The following HYAL4 variants were observed in gnomAD, a reference collection of about 807,000 sequenced individuals.
HYAL4 encodes hyaluronidase-4.
HYAL4 carries 37 observed loss-of-function variants against 35.2 expected under a neutral mutation model. The observed-to-expected ratio is 1.05, with a 90% confidence interval of 0.81 to 1.38. The LOEUF (loss-of-function observed/expected upper bound fraction) is 1.38. Among genes scored for constraint, HYAL4 ranks in the 40% most tolerant of loss-of-function variants. The probability of loss-of-function intolerance (pLI) is 0.00; values close to 1 mark genes in which losing one functional copy is unlikely to be tolerated. For missense variants in HYAL4, 572 were observed against 572.4 expected, an observed-to-expected ratio of 1.00 and a Z score of 0.01; for synonymous variants, 198 against 203.2, an observed-to-expected ratio of 0.97 and a Z score of 0.22.
chr7:123,765,044 C>T, the HYAL4 span, among the ~76,000 whole-genome samples: 15 of 152,146 alleles, frequency 9.9e-5, no homozygotes, highest in Non-Finnish European at 2.2e-4. Flanking sequence ...AAAAATGCAA[C>T]ATTAAGTACG....
chr7:123,764,833 G>C, the HYAL4 span, among the ~76,000 whole-genome samples: 1 of 152,112 alleles, frequency 6.6e-6, no homozygotes, highest in Non-Finnish European at 1.5e-5. Context: ...TCTTTTGCCA[G>C]CTACCAGCTT....
At chr7:123,850,469 G>A (rs1806278086) in intron 2 of HYAL4, among the ~76,000 whole-genome samples, 1 of 152,064 alleles carries the variant, frequency 6.6e-6, no homozygotes, top group African/African-American at 2.4e-5. Context: ...TCTAACTCTT[G>A]GGCTCAAGCG....
chr7:123,804,487 A>G, the HYAL4 span, among the ~76,000 whole-genome samples: 60 of 152,328 alleles, frequency 3.9e-4, no homozygotes, highest in East Asian at 3.9e-4. Flanking sequence ...AATTTTGTCT[A>G]TCTTTTTCTG....
At chr7:123,839,490 G>T (rs1806018812) in intron 1 of HYAL4, among the ~76,000 whole-genome samples, 1 of 152,132 alleles carries the variant, frequency 6.6e-6, no homozygotes, top group Admixed American at 6.5e-5. Flanking sequence ...AATCCTTTGG[G>T]TATATACCCA....
the HYAL4 span, among the ~76,000 whole-genome samples, chr7:123,781,944 T>C: frequency 6.6e-6 from 1 of 152,148 alleles, no homozygotes. Flanking sequence ...TTTCACTTTA[T>C]ATCCCAGGCT....
intron 1 of HYAL4, among the ~76,000 whole-genome samples, chr7:123,839,210 C>T (rs1183211196): frequency 1.3e-5 from 2 of 152,096 alleles, no homozygotes; most frequent in East Asian, 3.9e-4. Flanking sequence ...TTGTTCAATT[C>T]CCACCTATGA....
At chr7:123,856,998 G>T (rs115940306) in intron 2 of HYAL4, among the ~76,000 whole-genome samples, 3,368 of 152,192 alleles carry the variant, frequency 0.022, 116 homozygotes, top group African/African-American at 0.076. Flanking sequence ...GGGGAAAACC[G>T]CCTACTCAAG....
At chr7:123,833,916 A>G (rs939389810) in intron 1 of HYAL4, among the ~76,000 whole-genome samples, 4 of 151,856 alleles carry the variant, frequency 2.6e-5, no homozygotes, top group Non-Finnish European at 5.9e-5. Context: ...TTTATTTCTG[A>G]GTTCTCTATT....
intron 2 of HYAL4, among the ~76,000 whole-genome samples, chr7:123,850,911 A>G (rs1417432734): frequency 6.6e-6 from 1 of 151,892 alleles, no homozygotes; most frequent in Non-Finnish European, 1.5e-5. Context: ...TTCTCTCAAG[A>G]TTACATCTGG....
chr7:123,795,720 A>T, the HYAL4 span, among the ~76,000 whole-genome samples: 1 of 152,154 alleles, frequency 6.6e-6, no homozygotes, highest in Non-Finnish European at 1.5e-5. Context: ...TTTATAAATT[A>T]CCCAGTCTTG....
the HYAL4 span, among the ~76,000 whole-genome samples, chr7:123,765,530 T>TA: frequency 6.6e-6 from 1 of 152,190 alleles, no homozygotes; most frequent in Non-Finnish European, 1.5e-5. Context: ...ATTCCCTTCT[T>TA]AGTTTTCATA....
the HYAL4 span, among the ~76,000 whole-genome samples, chr7:123,813,240 AC>A: frequency 6.6e-6 from 1 of 152,124 alleles, no homozygotes; most frequent in South Asian, 2.1e-4. Flanking sequence ...AAAAATCCAT[AC>A]GATAAGATAA....
chr7:123,783,403 G>A, the HYAL4 span, among the ~76,000 whole-genome samples: 1 of 152,160 alleles, frequency 6.6e-6, no homozygotes, highest in East Asian at 1.9e-4. Flanking sequence ...TTAATCTAGT[G>A]GTGGAACACA....
the HYAL4 span, chr7:123,815,117 G>A: frequency 1.3e-5 from 2 of 152,494 alleles, no homozygotes; most frequent in African/African-American, 4.8e-5. Context: ...AATGTTTTAG[G>A]ATATTTATTT....
At chr7:123,787,782 A>G in the HYAL4 span, among the ~76,000 whole-genome samples, 1 of 152,176 alleles carries the variant, frequency 6.6e-6, no homozygotes, top group South Asian at 2.1e-4. Flanking sequence ...AGGAGGGGCA[A>G]TTGCAGTGAC....
At chr7:123,854,666 G>T (rs1485152874) in intron 2 of HYAL4, among the ~76,000 whole-genome samples, 1 of 152,190 alleles carries the variant, frequency 6.6e-6, no homozygotes, top group Non-Finnish European at 1.5e-5. Context: ...AAGAATAAGT[G>T]CTATGTGGTA....
At chr7:123,862,895 A>AC (rs1806605971) in intron 2 of HYAL4, among the ~76,000 whole-genome samples, 1 of 152,146 alleles carries the variant, frequency 6.6e-6, no homozygotes, top group East Asian at 1.9e-4. Context: ...AAGCCTGAGT[A>AC]CCTATAAGCC....
At chr7:123,806,801 A>G in the HYAL4 span, among the ~76,000 whole-genome samples, 7 of 150,928 alleles carry the variant, frequency 4.6e-5, no homozygotes, top group African/African-American at 1.7e-4. Flanking sequence ...TCTTCCTTTC[A>G]CCTCAGTGGC....
chr7:123,783,361 A>G, the HYAL4 span, among the ~76,000 whole-genome samples: 13 of 152,306 alleles, frequency 8.5e-5, no homozygotes, highest in Non-Finnish European at 1.8e-4. Context: ...ACTTCTCATC[A>G]TATTATCAAC....
Sources: gnomAD v4.1 joint callset for allele counts (sites outside exome capture counted in the v4.1 genomes callset) on GRCh38, gnomAD v4.1.1 for gene constraint, MANE v1.5 for transcripts, NCBI Gene and HGNC (gene_info 2026-07-23, HGNC 2026-07-21) for gene names.